The following SLC67A1 variants were observed in gnomAD, a reference collection of about 807,000 sequenced individuals.
The protein encoded by SLC67A1 is solute carrier family 67 member 1.
chr11:2,908,167 G>T, the SLC67A1 span: 1 of 1,147,228 alleles, frequency 8.7e-7, no homozygotes, highest in Non-Finnish European at 1.3e-6. Context: ...GCCCATCCAG[G>T]GACCCCAGAT....
At chr11:2,900,321 T>G in the SLC67A1 span, among the ~76,000 whole-genome samples, 6 of 152,086 alleles carry the variant, frequency 3.9e-5, no homozygotes, top group African/African-American at 1.2e-4. Flanking sequence ...GAGGGCAGAT[T>G]GATTGGACAA....
chr11:2,909,809 C>A, the SLC67A1 span: 2 of 1,296,946 alleles, frequency 1.5e-6, no homozygotes, highest in Non-Finnish European at 2.0e-6. Context: ...CTCTTTTGCT[C>A]GTGGGGCGCG....
chr11:2,912,386 C>T, the SLC67A1 span, among the ~76,000 whole-genome samples: 18 of 152,362 alleles, frequency 1.2e-4, no homozygotes, highest in South Asian at 2.1e-4. Context: ...GCTGCCCCAA[C>T]GCCTGCAGCC....
the SLC67A1 span, among the ~76,000 whole-genome samples, chr11:2,907,227 C>T: frequency 6.6e-6 from 1 of 151,516 alleles, no homozygotes; most frequent in Non-Finnish European, 1.5e-5. This position sits in a 1 kb window ranked among gnomAD's most constrained non-coding sequence, Gnocchi z 6.7. Flanking sequence ...GGGGCGGGGG[C>T]GGTGTATTAG....
chr11:2,905,922 G>A, the SLC67A1 span, among the ~76,000 whole-genome samples: 1 of 152,228 alleles, frequency 6.6e-6, no homozygotes, highest in Admixed American at 6.5e-5. Context: ...GAAGGGGACT[G>A]TGCAGAGAAA....
the SLC67A1 span, among the ~76,000 whole-genome samples, chr11:2,906,925 G>T: frequency 6.6e-6 from 1 of 151,848 alleles, no homozygotes; most frequent in Non-Finnish European, 1.5e-5. Context: ...TCACACTAGC[G>T]GCGCTGGGGA....
chr11:2,900,639 G>GC, the SLC67A1 span, among the ~76,000 whole-genome samples: 1 of 138,238 alleles, frequency 7.2e-6, no homozygotes, highest in South Asian at 2.3e-4. Flanking sequence ...CTTGCAGCGA[G>GC]CCGAGATCGC....
At chr11:2,919,357 G>A in the SLC67A1 span, 4 of 1,613,944 alleles carry the variant, frequency 2.5e-6, no homozygotes, top group Non-Finnish European at 8.5e-7. Context: ...CTTCCAGCTG[G>A]AGGCCGCCCA....
At chr11:2,915,270 C>T in the SLC67A1 span, 32 of 976,952 alleles carry the variant, frequency 3.3e-5, no homozygotes, top group Non-Finnish European at 3.9e-5. Flanking sequence ...AGTGTGTGTA[C>T]AAGTTTGCCC....
the SLC67A1 span, chr11:2,903,349 C>A: frequency 5.0e-6 from 8 of 1,612,636 alleles, no homozygotes; most frequent in Admixed American, 1.3e-4. Context: ...GTCCAGGATG[C>A]AGGGAGCTCG....
At chr11:2,916,864 C>T in the SLC67A1 span, 4 of 782,618 alleles carry the variant, frequency 5.1e-6, no homozygotes, top group South Asian at 3.2e-5. Flanking sequence ...CTCACACCCT[C>T]CTGCCTTCCT....
At chr11:2,902,344 A>T in the SLC67A1 span, 1 of 153,052 alleles carries the variant, frequency 6.5e-6, no homozygotes, top group Non-Finnish European at 1.5e-5. Context: ...CCCGTGCCCA[A>T]GCCCGCCCCT....
At chr11:2,912,720 C>G in the SLC67A1 span, among the ~76,000 whole-genome samples, 1 of 152,214 alleles carries the variant, frequency 6.6e-6, no homozygotes, top group Non-Finnish European at 1.5e-5. Context: ...GACCCGGGAC[C>G]TGAGTCACTG....
the SLC67A1 span, among the ~76,000 whole-genome samples, chr11:2,912,126 A>G: frequency 6.6e-6 from 1 of 152,190 alleles, no homozygotes; most frequent in Non-Finnish European, 1.5e-5. Flanking sequence ...GGTTCCTCAT[A>G]CCACACCCAA....
chr11:2,924,968 A>G, the SLC67A1 span: 5 of 1,545,598 alleles, frequency 3.2e-6, no homozygotes, highest in African/African-American at 2.7e-5. The surrounding 1 kb of genome is among the most constrained non-coding windows in gnomAD (Gnocchi z 8.6). Context: ...CAGTTGGCCC[A>G]GGGAGCTGCC....
the SLC67A1 span, chr11:2,919,478 A>G: frequency 8.9e-7 from 1 of 1,126,978 alleles, no homozygotes; most frequent in Non-Finnish European, 1.3e-6. Context: ...CTGAGAGTAG[A>G]GGCTCCTCCC....
At chr11:2,902,487 C>CT in the SLC67A1 span, 32 of 699,656 alleles carry the variant, frequency 4.6e-5, no homozygotes, top group South Asian at 6.4e-4. Flanking sequence ...CTGCTCCCCC[C>CT]AGCCTCCCTG....
the SLC67A1 span, among the ~76,000 whole-genome samples, chr11:2,910,944 T>A: frequency 6.6e-6 from 1 of 152,226 alleles, no homozygotes; most frequent in South Asian, 2.1e-4. Context: ...CATCTTCAAG[T>A]GTGGATGGCT....
At chr11:2,903,662 G>A in the SLC67A1 span, 1 of 692,440 alleles carries the variant, frequency 1.4e-6, no homozygotes, top group Non-Finnish European at 2.4e-6. Flanking sequence ...CTCTGCCTCT[G>A]GACCCCCGTC....
Sources: gnomAD v4.1 joint callset for allele counts (sites outside exome capture counted in the v4.1 genomes callset) on GRCh38, gnomAD v4.1.1 for gene constraint, Gnocchi (gnomAD v3.1) non-coding constraint, MANE v1.5 for transcripts, NCBI Gene and HGNC (gene_info 2026-07-23, HGNC 2026-07-21) for gene names.